The following DNMT3L variants were observed in gnomAD, a reference collection of about 807,000 sequenced individuals.
DNMT3L encodes DNA (cytosine-5)-methyltransferase 3-like.
In DNMT3L, 33 loss-of-function variants were observed where a neutral mutation model predicts 36.2. The ratio of observed to expected loss-of-function variants is 0.91; its 90% CI spans 0.69 to 1.22. The LOEUF (loss-of-function observed/expected upper bound fraction) is 1.22. DNMT3L is among the 50% of genes most tolerant of loss of function. The probability of loss-of-function intolerance (pLI) is 0.00; values close to 1 mark genes in which losing one functional copy is unlikely to be tolerated. For synonymous variants in DNMT3L, 117 were observed against 121.7 expected, an observed-to-expected ratio of 0.96 and a Z score of 0.26; for missense variants, 310 against 303.1, an observed-to-expected ratio of 1.02 and a Z score of -0.17.
chr21:44,260,787 ACACT>A lies in DNMT3L; in HGVS notation c.151+4_151+7del, dbSNP rs775503239. On this transcript the variant is annotated splice_donor_5th_base_variant and intron_variant, in intron 3 of 11. Coordinates refer to ENST00000628202, the MANE Select transcript of DNMT3L (RefSeq NM_175867.3). ...TTGTCTGGTGTGGGCCAGTATGCAA[ACACT>A]CACCTTCTATATTTCGCTGGTTAGC... 2 of 1,613,184 alleles carry A rather than the reference ACACT, an allele frequency of 1.2e-6. No homozygotes were observed. Among genetic ancestry groups the A allele is most frequent in the East Asian group, 2.2e-5 (1 of 44,880 alleles).
chr21:44,256,240 T>A, intron 6 of DNMT3L, 86 bp from the exon 7 acceptor site: 1 of 1,380,494 alleles, frequency 7.2e-7, no homozygotes, highest in Non-Finnish European at 1.0e-6. Flanking sequence ...CTTCCCTGGA[T>A]GAACACTCAC....
chr21:44,257,288 A>G lies in DNMT3L; in HGVS notation c.517-1134T>C, dbSNP rs532214493. Reference sequence around the variant, plus strand: ...CAGGTACTCAGGAGGCAGGAAGGAGAATCGCTTGAACCCGGGAGGCCGAGG... The same window carrying G: ...CAGGTACTCAGGAGGCAGGAAGGAGGATCGCTTGAACCCGGGAGGCCGAGG... On this transcript the variant is annotated intron_variant, in intron 6 of 11. Transcript: ENST00000628202. Among the ~76,000 whole-genome samples the G allele has an allele frequency of 2.0e-4, 30 of 152,274 alleles. 1 individual carries two copies. The South Asian group carries it at 5.6e-3, about 28-fold the overall frequency.
At chr21:44,255,624 G>C (rs2040251427) in intron 7 of DNMT3L, among the ~76,000 whole-genome samples, 1 of 152,196 alleles carries the variant, frequency 6.6e-6, no homozygotes, top group Non-Finnish European at 1.5e-5. Context: ...CAGCTGGTGT[G>C]AGCTGCAGAG....
chr21:44,260,500 T>A (rs2040307836), intron 3 of DNMT3L, among the ~76,000 whole-genome samples: 1 of 152,212 alleles, frequency 6.6e-6, no homozygotes, highest in Non-Finnish European at 1.5e-5. Flanking sequence ...TCACCCAGGC[T>A]GGAGTGCAGT....
chr21:44,254,136 G>A (rs1230966146), intron 8 of DNMT3L, among the ~76,000 whole-genome samples: 2 of 152,234 alleles, frequency 1.3e-5, no homozygotes, highest in African/African-American at 2.4e-5. Context: ...CACGACTGGA[G>A]CTGTGTCACC....
Position 44,256,054 on chromosome 21 carries a change from A to T in DNMT3L, c.604+13T>A, listed in dbSNP as rs903739974. On this transcript the variant is annotated intron_variant, in intron 7 of 11. Coordinates refer to ENST00000628202, the MANE Select transcript of DNMT3L (RefSeq NM_175867.3). Reference sequence around the variant, plus strand: ...ATCTTTCCATGTGTGTCTTTGGGACATCACTGACTCACCTTTCTTGATGTC... The same window carrying T: ...ATCTTTCCATGTGTGTCTTTGGGACTTCACTGACTCACCTTTCTTGATGTC... The T allele has an allele frequency of 6.2e-7, 1 of 1,613,720 alleles. No individual in the cohort carries two copies. The highest frequency in any genetic ancestry group is 2.2e-5 in the East Asian group (1 of 44,874).
chr21:44,258,507 T>C lies in DNMT3L; in HGVS notation c.516+16A>G, dbSNP rs1156959878. ...GCCTGCTGCTGCCGGGTGCTGCCCCTCCACGGGCTCCTTACCGACTCTCGG... is the reference window on the plus strand; with the variant it reads ...GCCTGCTGCTGCCGGGTGCTGCCCCCCCACGGGCTCCTTACCGACTCTCGG... On this transcript the variant is annotated intron_variant, in intron 6 of 11. Transcript: ENST00000628202. This position sits in a 1 kb window ranked among gnomAD's most constrained non-coding sequence, Gnocchi z 6.2. 1.3e-6 allele frequency: 2 copies of C among 1,539,124 alleles called. No homozygotes were observed.
intron 6 of DNMT3L, among the ~76,000 whole-genome samples, chr21:44,257,708 AT>A (rs1366994680): frequency 0.03 from 4,413 of 148,516 alleles, 155 homozygotes; most frequent in Middle Eastern, 0.045. Flanking sequence ...AAATAAATAA[AT>A]AAATAAATAA....
chr21:44,254,486 C>A, intron 8 of DNMT3L, 131 bp downstream of exon 8: 1 of 973,354 alleles, frequency 1.0e-6, no homozygotes, highest in East Asian at 2.8e-5. Flanking sequence ...TGCCGAGAGG[C>A]CCCCGTGTGT....
rs747070125 is a variant in DNMT3L at position 44,256,111 on chromosome 21, C to A, written c.560G>T (p.Arg187Ile). ...AAGGGACAGCACCCGGACTGGCTGT[C>A]TCCTCCACACAGGCACGGTTTCGAA... ...EMFETVPVWRRQPVRVLSLFE... is the reference protein window; with the variant it reads ...EMFETVPVWRIQPVRVLSLFE... The change falls in exon 7 of 12, where the codon AGA becomes ATA. Residue 187 changes from arginine (R) to isoleucine (I), a missense_variant. Physicochemically the swap from Arg to Ile is moderately conservative, Grantham distance 97. Coordinates refer to ENST00000628202, the MANE Select transcript of DNMT3L (RefSeq NM_175867.3). 1.2e-6 allele frequency: 2 copies of A among 1,613,984 alleles called. No homozygotes were observed. Among genetic ancestry groups the A allele is most frequent in the Non-Finnish European group, 1.7e-6 (2 of 1,180,012 alleles).
chr21:44,253,506 C>T (rs2040235158), intron 8 of DNMT3L, among the ~76,000 whole-genome samples: 2 of 152,160 alleles, frequency 1.3e-5, no homozygotes, highest in Admixed American at 6.5e-5. Flanking sequence ...CACCTGAGAT[C>T]AGGAGTTCAA....
At position 44,255,505 on chromosome 21, in the gene DNMT3L, C is replaced by CCA. The variant is rs1555867981; in HGVS notation, c.604+561_604+562insTG. On this transcript the variant is annotated intron_variant, in intron 7 of 11. Transcript: ENST00000628202. ...TGGGCAACAGAGCGAGACTCCGCCT[C>CCA]AAAAAAAAAAAGGATGTCAAGGACT... 2.9e-4 allele frequency among the ~76,000 whole-genome samples: 43 copies of CCA among 145,880 alleles called. 1 individual carries two copies. The highest frequency in any genetic ancestry group is 8.9e-4 in the South Asian group (4 of 4,514).
rs376303792 is a variant in DNMT3L at position 44,254,643 on chromosome 21, C to T, written c.667G>A (p.Asp223Asn). ...SDPGQLKHVVDVTDTVRKDVE... is the reference protein window; with the variant it reads ...SDPGQLKHVVNVTDTVRKDVE... ...TCCTTCCTCACTGTGTCTGTGACAT[C>T]AACCACATGCTTCAGTTGTCCCGGG... is the stretch of plus-strand genomic sequence containing the variant. Residue 223 changes from aspartate (D) to asparagine (N), a missense_variant, in exon 8 of 12, where the codon GAT becomes AAT. By Grantham distance (23) the Asp-to-Asn change is conservative. Coordinates refer to ENST00000628202, the MANE Select transcript of DNMT3L (RefSeq NM_175867.3). 18 of 1,613,922 alleles carry T rather than the reference C, an allele frequency of 1.1e-5. No homozygotes were observed. The highest frequency in any genetic ancestry group is 1.4e-5 in the Non-Finnish European group (17 of 1,179,982).
rs932761070 is a variant in DNMT3L, at chr21:44,258,254, C to T, written c.516+269G>A. Reference sequence around the variant, plus strand: ...TGCTCCTGAGGACTGGACTTTGAGACGTGCCAGCCACCCTCTCCCGGCCCC... The same window carrying T: ...TGCTCCTGAGGACTGGACTTTGAGATGTGCCAGCCACCCTCTCCCGGCCCC... On this transcript the variant is annotated intron_variant, in intron 6 of 11. Coordinates refer to ENST00000628202, the MANE Select transcript of DNMT3L (RefSeq NM_175867.3). The surrounding 1 kb of genome is among the most constrained non-coding windows in gnomAD (Gnocchi z 6.2). Among the ~76,000 whole-genome samples, 10 of 152,280 alleles carry T rather than the reference C, an allele frequency of 6.6e-5. No homozygotes were observed. Among genetic ancestry groups the T allele is most frequent in the African/African-American group, 1.9e-4 (8 of 41,576 alleles).
rs142370011 is a variant in DNMT3L at position 44,259,208 on chromosome 21, G to A, written c.344+229C>T. ...GGTTTCCATCGCTCCCCTGCACAGC[G>A]ATGTGGCAATATCAACACCGAAAAG... On this transcript the variant is annotated intron_variant, in intron 5 of 11. Transcript: ENST00000628202. Among the ~76,000 whole-genome samples, 18 of 152,208 alleles carry A rather than the reference G, an allele frequency of 1.2e-4. No homozygotes were observed. In the East Asian group the frequency reaches 2.9e-3, roughly 25 times the overall value.
intron 5 of DNMT3L, 90 bp downstream of exon 5, chr21:44,259,347 A>G (rs762424): frequency 0.3 from 406,570 of 1,341,542 alleles, 68,376 homozygotes; most frequent in East Asian, 0.63. Flanking sequence ...CCATTTGGGA[A>G]GAAAATCCAC....
chr21:44,261,102 G>T, intron 2 of DNMT3L, 52 bp downstream of exon 2: 3 of 1,593,928 alleles, frequency 1.9e-6, no homozygotes, highest in Middle Eastern at 3.3e-4. Context: ...CCTCATCCAG[G>T]CCTGGGATCA....
At position 44,258,589 on chromosome 21, in the gene DNMT3L, TCGGGAGGA is replaced by T; in HGVS notation, c.442_449del (p.Ser148LysfsTer27). ...TCCTCCGACGCTGCAGCAGCCCGCT[TCGGGAGGA>T]CGGCAGGCACAGGTAGCACACCCAG... On this transcript the variant is annotated frameshift_variant, in exon 6 of 12. Transcript: ENST00000628202. LOFTEE classifies it high-confidence loss of function. This position sits in a 1 kb window ranked among gnomAD's most constrained non-coding sequence, Gnocchi z 6.2. 1 of 1,611,096 alleles carries T rather than the reference TCGGGAGGA, an allele frequency of 6.2e-7. No individual in the cohort carries two copies. Among genetic ancestry groups the T allele is most frequent in the Non-Finnish European group, 8.5e-7 (1 of 1,179,272 alleles).
rs2040278719 is a variant in DNMT3L at position 44,258,037 on chromosome 21, A to G, written c.516+486T>C. On this transcript the variant is annotated intron_variant, in intron 6 of 11. Transcript: ENST00000628202. The surrounding 1 kb of genome is among the most constrained non-coding windows in gnomAD (Gnocchi z 6.2). ...TGATCTCATCTCGTGATCCTTAACT[A>G]AATTACATCTGCAAAAACCCTGTTT... Among the ~76,000 whole-genome samples the G allele has an allele frequency of 6.6e-6, 1 of 152,230 alleles. No homozygotes were observed. Among genetic ancestry groups the G allele is most frequent in the Admixed American group, 6.5e-5 (1 of 15,292 alleles).
Sources: gnomAD v4.1 joint callset for allele counts (sites outside exome capture counted in the v4.1 genomes callset) on GRCh38, gnomAD v4.1.1 for gene constraint, Gnocchi (gnomAD v3.1) non-coding constraint, MANE v1.5 for transcripts, NCBI Gene and HGNC (gene_info 2026-07-23, HGNC 2026-07-21) for gene names.